Variants in PTPRD observed in about 807,000 individuals in gnomAD.
The protein encoded by PTPRD is protein tyrosine phosphatase receptor type D, also known as receptor-type tyrosine-protein phosphatase delta.
PTPRD carries 34 observed loss-of-function variants against 214.5 expected under a neutral mutation model. The ratio of observed to expected loss-of-function variants is 0.16; its 90% CI spans 0.12 to 0.21. The LOEUF is 0.21. Among genes scored for constraint, PTPRD ranks in the 10% least tolerant of loss-of-function variants. The pLI, the probability that PTPRD is intolerant of heterozygous loss-of-function variation, is 1.00. For missense variants in PTPRD, 2,545 were observed against 2,398.7 expected (o/e 1.06, Z -1.27); for synonymous variants, 1,128 against 845.7 (o/e 1.33, Z -5.79).
chr9:8,491,756 G>C (rs777332686), intron 27 of PTPRD, among the ~76,000 whole-genome samples: 2 of 151,868 alleles, frequency 1.3e-5, no homozygotes, highest in Non-Finnish European at 2.9e-5. Context: ...GGCAGGATGC[G>C]AGCGAGGCAA....
intron 8 of PTPRD, among the ~76,000 whole-genome samples, chr9:9,483,772 T>C (rs1292076116): frequency 2.0e-5 from 3 of 151,350 alleles, no homozygotes; most frequent in East Asian, 3.9e-4. Context: ...GAAAGTAATG[T>C]CTTCTTTCTT....
At chr9:8,934,490 TATAA>T (rs1395795550) in intron 11 of PTPRD, among the ~76,000 whole-genome samples, 3,919 of 12,384 alleles carry the variant, frequency 0.32, 571 homozygotes, top group East Asian at 0.59. Context: ...TATATATATA[TATAA>T]ATATATATAT....
intron 2 of PTPRD, among the ~76,000 whole-genome samples, chr9:10,604,013 T>C (rs2078629736): frequency 6.6e-6 from 1 of 151,810 alleles, no homozygotes; most frequent in South Asian, 2.1e-4. Flanking sequence ...TAATTGTTCA[T>C]AAGGCCAACA....
intron 9 of PTPRD, among the ~76,000 whole-genome samples, chr9:9,327,239 A>C (rs1235897626): frequency 1.3e-5 from 2 of 152,212 alleles, no homozygotes; most frequent in African/African-American, 4.8e-5. Context: ...ACAAGAATGT[A>C]AATTAAATCT....
At chr9:9,192,241 G>C (rs978764949) in intron 9 of PTPRD, among the ~76,000 whole-genome samples, 3 of 151,838 alleles carry the variant, frequency 2.0e-5, no homozygotes, top group African/African-American at 7.3e-5. Context: ...AAAGCTGTAA[G>C]AAAAAAATTA....
At chr9:9,931,899 C>T (rs541922105) in intron 5 of PTPRD, among the ~76,000 whole-genome samples, 3 of 151,138 alleles carry the variant, frequency 2.0e-5, no homozygotes, top group African/African-American at 2.4e-5. Context: ...CAGACTGCCT[C>T]CTCAAGTGGG....
intron 10 of PTPRD, among the ~76,000 whole-genome samples, chr9:9,123,400 A>G (rs1480676140): frequency 6.6e-6 from 1 of 152,218 alleles, no homozygotes; most frequent in Admixed American, 6.5e-5. Context: ...TTAACTCCTC[A>G]GTACAATAAG....
intron 14 of PTPRD, among the ~76,000 whole-genome samples, chr9:8,617,395 G>T (rs1038211839): frequency 2.0e-5 from 3 of 152,024 alleles, no homozygotes. Flanking sequence ...TTGGAGAAAT[G>T]CTTATAACTC....
chr9:10,226,997 G>A (rs372730322), intron 3 of PTPRD, among the ~76,000 whole-genome samples: 1 of 151,938 alleles, frequency 6.6e-6, no homozygotes, highest in African/African-American at 2.4e-5. Context: ...TATAAACGAC[G>A]TTGGCAAAAT....
chr9:9,088,581 GAAAAAAAAAAAAAA>G (rs533619970), intron 10 of PTPRD, among the ~76,000 whole-genome samples: 6 of 33,038 alleles, frequency 1.8e-4, no homozygotes, highest in East Asian at 1.1e-3. Context: ...CTTAGTCTCA[GAAAAAAAAAAAAAA>G]AAAAAAAAAA....
At chr9:10,184,758 C>G (rs1462471803) in intron 3 of PTPRD, among the ~76,000 whole-genome samples, 1 of 152,168 alleles carries the variant, frequency 6.6e-6, no homozygotes, top group Admixed American at 6.5e-5. Flanking sequence ...AGCAATATCT[C>G]TTGAGTCAGT....
rs1028430156 is a variant in PTPRD at position 8,439,977 on chromosome 9, C to A, written c.3989-3288G>T. On this transcript the variant is annotated intron_variant, in intron 34 of 45. Coordinates refer to ENST00000381196, the MANE Select transcript of PTPRD (RefSeq NM_002839.4). ...TTTTTTTTTTTTTTTGCAGGCTGTA[C>A]ACCAGACCAATTAATTCAGGTCTGT... is the stretch of plus-strand genomic sequence containing the variant. Among the ~76,000 whole-genome samples, 14 of 92,634 alleles carry A rather than the reference C, an allele frequency of 1.5e-4. 1 individual carries two copies. The highest frequency in any genetic ancestry group is 2.5e-4 in the Non-Finnish European group (12 of 47,188). The allele number at this position is 92,634 out of a possible 152,430, so 60.8% of individuals were successfully genotyped here.
At chr9:8,998,991 T>C (rs1353754118) in intron 11 of PTPRD, among the ~76,000 whole-genome samples, 1 of 152,026 alleles carries the variant, frequency 6.6e-6, no homozygotes, top group African/African-American at 2.4e-5. Context: ...TACAGTCCCA[T>C]GATAAAGTTT....
chr9:9,975,430 T>C (rs981720156), intron 4 of PTPRD, among the ~76,000 whole-genome samples: 1 of 152,232 alleles, frequency 6.6e-6, no homozygotes, highest in African/African-American at 2.4e-5. Context: ...TAGTGGACAA[T>C]GCGTTAAGCG....
intron 8 of PTPRD, among the ~76,000 whole-genome samples, chr9:9,402,966 G>GAAA (rs1555359331): frequency 4.7e-4 from 37 of 78,476 alleles, no homozygotes; most frequent in African/African-American, 1.2e-3. Flanking sequence ...CTAATAGGGA[G>GAAA]AAAAAAAAAA....
At chr9:9,105,183 T>C (rs975094974) in intron 10 of PTPRD, among the ~76,000 whole-genome samples, 3 of 152,158 alleles carry the variant, frequency 2.0e-5, no homozygotes, top group African/African-American at 7.2e-5. Flanking sequence ...GAGGAAAAAG[T>C]GGCCCTGAGA....
At chr9:10,235,780 G>C (rs532193284) in intron 3 of PTPRD, among the ~76,000 whole-genome samples, 1 of 151,946 alleles carries the variant, frequency 6.6e-6, no homozygotes, top group African/African-American at 2.4e-5. Flanking sequence ...TCTAATGAGC[G>C]ATTAAAATGA....
intron 3 of PTPRD, among the ~76,000 whole-genome samples, chr9:10,279,902 C>T (rs1447262375): frequency 6.6e-6 from 1 of 152,028 alleles, no homozygotes; most frequent in Non-Finnish European, 1.5e-5. Flanking sequence ...AAATTCTTAT[C>T]TTTTAACTAG....
Position 9,817,606 on chromosome 9 carries a change from G to C in PTPRD, c.-367-50755C>G, listed in dbSNP as rs565532989. 1.4e-4 allele frequency among the ~76,000 whole-genome samples: 21 copies of C among 152,196 alleles called. No homozygotes were observed. The South Asian group carries it at 3.9e-3, about 29-fold the overall frequency. ...AAAAAACTGAATGTAAAATACTGAT[G>C]ACAGTTAATTTTGTTTCTTTCATCT... On this transcript the variant is annotated intron_variant, in intron 5 of 45. Coordinates refer to ENST00000381196, the MANE Select transcript of PTPRD (RefSeq NM_002839.4).
Sources: gnomAD v4.1 joint callset for allele counts (sites outside exome capture counted in the v4.1 genomes callset) on GRCh38, gnomAD v4.1.1 for gene constraint, MANE v1.5 for transcripts, NCBI Gene and HGNC (gene_info 2026-07-23, HGNC 2026-07-21) for gene names.